Variants in BLTP3B observed in about 807,000 individuals in gnomAD.
BLTP3B encodes UHRF1 (ICBP90) binding protein 1-like.
At chr12:100,057,659 T>G in the BLTP3B span, 1 of 1,613,014 alleles carries the variant, frequency 6.2e-7, no homozygotes, top group Middle Eastern at 1.7e-4. Flanking sequence ...TGGTATCCAA[T>G]GACATTTGTG....
At chr12:100,111,175 G>A in the BLTP3B span, among the ~76,000 whole-genome samples, 1 of 149,744 alleles carries the variant, frequency 6.7e-6, no homozygotes, top group Non-Finnish European at 1.5e-5. Context: ...ATATTATAAT[G>A]TTTGATGAAA....
chr12:100,091,083 G>C, the BLTP3B span, among the ~76,000 whole-genome samples: 1 of 150,100 alleles, frequency 6.7e-6, no homozygotes, highest in Admixed American at 6.7e-5. Flanking sequence ...CTGGAGTGTA[G>C]TGGCATGATC....
chr12:100,060,414 C>T, the BLTP3B span, among the ~76,000 whole-genome samples: 1 of 152,132 alleles, frequency 6.6e-6, no homozygotes, highest in Non-Finnish European at 1.5e-5. Context: ...AAAACATTAC[C>T]TTCTTGATGA....
At chr12:100,111,608 T>C in the BLTP3B span, among the ~76,000 whole-genome samples, 1 of 151,246 alleles carries the variant, frequency 6.6e-6, no homozygotes, top group Middle Eastern at 3.2e-3. Flanking sequence ...TTTTTGTTTG[T>C]TTGTTTTGTT....
chr12:100,100,139 T>A, the BLTP3B span, among the ~76,000 whole-genome samples: 1 of 150,904 alleles, frequency 6.6e-6, no homozygotes. Flanking sequence ...CCTGTCTCTA[T>A]TAAAAATACA....
At chr12:100,049,984 T>C in the BLTP3B span, among the ~76,000 whole-genome samples, 4 of 152,150 alleles carry the variant, frequency 2.6e-5, no homozygotes, top group African/African-American at 9.7e-5. Context: ...ATGGAACCAT[T>C]AAGCTATGTC....
At chr12:100,142,159 C>CCCT in the BLTP3B span, among the ~76,000 whole-genome samples, 1 of 152,214 alleles carries the variant, frequency 6.6e-6, no homozygotes, top group African/African-American at 2.4e-5. Flanking sequence ...GCGCCAGAAG[C>CCCT]CCTCGGTTAA....
At chr12:100,058,397 G>GC in the BLTP3B span, 1 of 1,612,268 alleles carries the variant, frequency 6.2e-7, no homozygotes, top group South Asian at 1.1e-5. Context: ...TAAAAGAAAT[G>GC]CCTTTTTGCA....
chr12:100,093,921 C>T, the BLTP3B span, among the ~76,000 whole-genome samples: 1 of 152,078 alleles, frequency 6.6e-6, no homozygotes, highest in South Asian at 2.1e-4. Context: ...TTCTGAAATG[C>T]CTTTTCCCTA....
the BLTP3B span, among the ~76,000 whole-genome samples, chr12:100,106,900 A>T: frequency 1.3e-5 from 2 of 152,222 alleles, no homozygotes; most frequent in Non-Finnish European, 2.9e-5. Context: ...TTTAGGAAAC[A>T]ATCAGCATGC....
At chr12:100,102,156 C>T in the BLTP3B span, among the ~76,000 whole-genome samples, 295 of 148,210 alleles carry the variant, frequency 2.0e-3, 3 homozygotes, top group Middle Eastern at 0.025. Context: ...GTCACCAAGG[C>T]TGGAGTGCAA....
chr12:100,090,071 C>G, the BLTP3B span, among the ~76,000 whole-genome samples: 24 of 152,282 alleles, frequency 1.6e-4, no homozygotes, highest in African/African-American at 4.8e-4. Context: ...CCACATGGAA[C>G]TGTAAGTAGA....
At chr12:100,043,268 T>C in the BLTP3B span, among the ~76,000 whole-genome samples, 1 of 152,248 alleles carries the variant, frequency 6.6e-6, no homozygotes, top group Non-Finnish European at 1.5e-5. Flanking sequence ...ATTTAAAGTA[T>C]GCCTGCATAA....
the BLTP3B span, among the ~76,000 whole-genome samples, chr12:100,117,334 C>A: frequency 6.6e-6 from 1 of 152,054 alleles, no homozygotes; most frequent in African/African-American, 2.4e-5. Context: ...TAATATGTAC[C>A]CCTGATTTGA....
chr12:100,091,337 G>A, the BLTP3B span, among the ~76,000 whole-genome samples: 1 of 150,362 alleles, frequency 6.7e-6, no homozygotes, highest in African/African-American at 2.5e-5. Context: ...TACAGCGCCC[G>A]CCACCACGCC....
chr12:100,048,191 C>A, the BLTP3B span: 1 of 1,580,824 alleles, frequency 6.3e-7, no homozygotes, highest in Non-Finnish European at 8.6e-7. Flanking sequence ...GCTTTCTGAT[C>A]GGAACCTAAG....
the BLTP3B span, among the ~76,000 whole-genome samples, chr12:100,078,672 A>G: frequency 6.6e-6 from 1 of 152,226 alleles, no homozygotes; most frequent in Admixed American, 6.5e-5. Context: ...ACATCTATAT[A>G]GGGTTCCACA....
chr12:100,054,364 T>C, the BLTP3B span, among the ~76,000 whole-genome samples: 1 of 152,138 alleles, frequency 6.6e-6, no homozygotes, highest in Non-Finnish European at 1.5e-5. Context: ...AGTTGATATA[T>C]TGTGAATGTG....
the BLTP3B span, among the ~76,000 whole-genome samples, chr12:100,119,539 AAG>A: frequency 6.4e-3 from 978 of 152,320 alleles, 10 homozygotes; most frequent in African/African-American, 0.022. Context: ...TGCCAATTTC[AAG>A]ACTTATCTAA....
Sources: gnomAD v4.1 joint callset for allele counts (sites outside exome capture counted in the v4.1 genomes callset) on GRCh38, gnomAD v4.1.1 for gene constraint, MANE v1.5 for transcripts, NCBI Gene and HGNC (gene_info 2026-07-23, HGNC 2026-07-21) for gene names.